The following SLC27A5 variants were observed in gnomAD, a reference collection of about 807,000 sequenced individuals.
SLC27A5 encodes long-chain fatty acid transport protein 5.
Under a neutral mutation model 63.1 loss-of-function variants are expected in SLC27A5, and 47 were observed. That is an observed-to-expected ratio of 0.74 (90% CI 0.59 to 0.95). SLC27A5 has a LOEUF of 0.95. Among genes scored for constraint, SLC27A5 ranks in the 40% least tolerant of loss-of-function variants. SLC27A5 has a pLI of 0.00. For synonymous variants in SLC27A5, 391 were observed against 403.8 expected (o/e 0.97, Z 0.38); for missense variants, 940 against 921.0 (o/e 1.02, Z -0.27).
chr19:58,498,649 G>A lies in SLC27A5; in HGVS notation c.1939C>T (p.Arg647Trp), dbSNP rs2053236206. ...ACATTGAAGCCCTCACGCACCAACC[G>A]GGTCTTCATCAGTTTGAACGTGCTG... ...VTSTFKLMKT[R>W]LVREGFNVGI... Residue 647 changes from arginine to tryptophan, a missense_variant, in exon 10 of 10, where the codon CGG becomes TGG. Transcript: ENST00000263093. 2 of 1,614,120 alleles carry A rather than the reference G, an allele frequency of 1.2e-6. No homozygotes were observed. Among genetic ancestry groups the A allele is most frequent in the South Asian group, 1.1e-5 (1 of 91,070 alleles).
chr19:58,499,460 C>T (rs2053247556), intron 7 of SLC27A5, 32 bp downstream of exon 7: 2 of 1,608,076 alleles, frequency 1.2e-6, no homozygotes, highest in Admixed American at 1.7e-5. Flanking sequence ...TGGCCCCGCG[C>T]CAGCCCCGCC....
chr19:58,502,634 G>C (rs150978418), intron 3 of SLC27A5, among the ~76,000 whole-genome samples: 2 of 131,314 alleles, frequency 1.5e-5, no homozygotes, highest in African/African-American at 5.2e-5. Flanking sequence ...TGGATGTGTG[G>C]ACAGAGTAGT....
rs200252519 is a variant in SLC27A5, at chr19:58,500,501, C to T, written c.1377+11G>A. 3.3e-3 allele frequency: 5,361 copies of T among 1,613,848 alleles called. 15 individuals are homozygous for T. The highest frequency in any genetic ancestry group is 4.7e-3 in the Admixed American group (284 of 59,992). ...TCAGGGCAGCTGCACACCAGGTACC[C>T]GCACACTCACTCGGAGGAGGCAGCT... On this transcript the variant is annotated intron_variant, in intron 5 of 9. Coordinates refer to ENST00000263093, the MANE Select transcript of SLC27A5 (RefSeq NM_012254.3).
chr19:58,500,458 G>A, intron 5 of SLC27A5, 29 bp from the exon 6 acceptor site: 1 of 1,613,552 alleles, frequency 6.2e-7, no homozygotes, highest in Non-Finnish European at 8.5e-7. Context: ...TGTTGACATA[G>A]GTCCTGTGGG....
intron 3 of SLC27A5, among the ~76,000 whole-genome samples, chr19:58,502,059 G>A (rs1391584878): frequency 6.6e-6 from 1 of 152,236 alleles, no homozygotes; most frequent in Non-Finnish European, 1.5e-5. Context: ...GCCCAGCTAA[G>A]CAGATGGGTG....
At chr19:58,507,244 C>G (rs2053357771) in intron 3 of SLC27A5, 1 of 152,008 alleles carries the variant, frequency 6.6e-6, no homozygotes, top group African/African-American at 2.4e-5. Context: ...GTAATAACAG[C>G]TACTCGGGAT....
At chr19:58,511,148 T>C (rs557367380) in intron 1 of SLC27A5, 120 bp downstream of exon 1, 3 of 1,118,446 alleles carry the variant, frequency 2.7e-6, no homozygotes, top group Non-Finnish European at 2.5e-6. Flanking sequence ...GTCTTGATTA[T>C]AATTGCCTGT....
chr19:58,502,169 T>C (rs1428305143), intron 3 of SLC27A5, among the ~76,000 whole-genome samples: 1 of 135,984 alleles, frequency 7.4e-6, no homozygotes, highest in Non-Finnish European at 1.6e-5. Context: ...AGTGAGTGAG[T>C]AGATGGATGG....
At position 58,498,509 on chromosome 19, in the gene SLC27A5, A is replaced by G; in HGVS notation, c.*6T>C. The stretch of plus-strand genomic sequence containing the variant: ...TGATCCCTACCCCAGTGGGTTGGCC[A>G]GGTGATCAGAGCCTCCAGGTTCCCT... On this transcript the variant is annotated 3_prime_UTR_variant, in exon 10 of 10. Transcript: ENST00000263093. The G allele has an allele frequency of 6.2e-7, 1 of 1,606,404 alleles. No homozygotes were observed. Among genetic ancestry groups the G allele is most frequent in the Non-Finnish European group, 8.5e-7 (1 of 1,174,900 alleles).
chr19:58,511,530 T>C lies in SLC27A5; in HGVS notation c.426A>G (p.Ser142=). 1 of 1,566,428 alleles carries C rather than the reference T, an allele frequency of 6.4e-7. No individual in the cohort carries two copies. Among genetic ancestry groups the C allele is most frequent in the South Asian group, 1.2e-5 (1 of 85,948 alleles). The change falls in exon 1 of 10, where the codon TCA becomes TCG. Residue 142 remains serine, a synonymous_variant. Transcript: ENST00000263093. Reference sequence around the variant, plus strand: ...GGGCATCCAGCTCACCAAAGGTGACTGAGCCGGCCCCAGGCCCCGTCCACA... The same window carrying C: ...GGGCATCCAGCTCACCAAAGGTGACCGAGCCGGCCCCAGGCCCCGTCCACA... ...LLVWTGPGAG[S]VTFGELDARA...
At chr19:58,506,756 C>T (rs992744816) in intron 3 of SLC27A5, among the ~76,000 whole-genome samples, 3 of 151,094 alleles carry the variant, frequency 2.0e-5, no homozygotes, top group Admixed American at 2.0e-4. Flanking sequence ...AACACAGGCT[C>T]GCATCACCAC....
chr19:58,510,019 C>T lies in SLC27A5; in HGVS notation c.899-14G>A. ...GCTTCGGGAGGCCTTGGGATGAAGG[C>T]ATGGCAAGGGCAGGGTGGTGACATG... On this transcript the variant is annotated splice_polypyrimidine_tract_variant and intron_variant, in intron 2 of 9. Transcript: ENST00000263093. The T allele has an allele frequency of 6.2e-7, 1 of 1,610,528 alleles. No individual in the cohort carries two copies. The highest frequency in any genetic ancestry group is 8.5e-7 in the Non-Finnish European group (1 of 1,178,324).
Position 58,499,666 on chromosome 19 carries a change from T to A in SLC27A5, c.1493A>T (p.Lys498Met). ...GLGEPGLLLT[K>M]VVSQQPFVGY... ...CACGAAGGGTTGCTGGCTTACCACCTTGGTCAGCAGCAGCCCCGGCTCCCC... is the reference window on the plus strand; with the variant it reads ...CACGAAGGGTTGCTGGCTTACCACCATGGTCAGCAGCAGCCCCGGCTCCCC... The change falls in exon 7 of 10, where the codon AAG (lysine) becomes ATG (methionine). Residue 498 changes from lysine (K) to methionine (M), a missense_variant. Transcript: ENST00000263093. 1 of 1,611,960 alleles carries A rather than the reference T, an allele frequency of 6.2e-7. No individual in the cohort carries two copies. Among genetic ancestry groups the A allele is most frequent in the Non-Finnish European group, 8.5e-7 (1 of 1,179,952 alleles).
At position 58,500,457 on chromosome 19, in the gene SLC27A5, A is replaced by AG. The variant is rs766517431; in HGVS notation, c.1378-29dup. The AG allele has an allele frequency of 9.1e-5, 147 of 1,613,748 alleles. 1 individual carries two copies. Among genetic ancestry groups the AG allele is most frequent in the Middle Eastern group, 8.2e-4 (5 of 6,062 alleles). The stretch of plus-strand genomic sequence containing the variant: ...GGGGTGGAGGGTGGAGTGTTGACAT[A>AG]GGTCCTGTGGGCTCAGCCTCAGGGC... On this transcript the variant is annotated intron_variant, in intron 5 of 9. Coordinates refer to ENST00000263093, the MANE Select transcript of SLC27A5 (RefSeq NM_012254.3).
intron 8 of SLC27A5, 22 bp downstream of exon 8, chr19:58,499,101 T>A: frequency 6.2e-7 from 1 of 1,613,632 alleles, no homozygotes; most frequent in South Asian, 1.1e-5. Context: ...TGTTGGAAGT[T>A]TAAAATGAGA....
intron 3 of SLC27A5, 143 bp downstream of exon 3, chr19:58,509,704 G>A: frequency 4.2e-6 from 3 of 712,978 alleles, no homozygotes; most frequent in Non-Finnish European, 4.5e-6. Context: ...TGCGGCCCTG[G>A]TAGTCATTGG....
In SLC27A5 at chr19:58,499,427, C is replaced by T. The variant is rs545484589; in HGVS notation, c.1667+65G>A. 113 of 1,553,478 alleles carry T rather than the reference C, an allele frequency of 7.3e-5. 1 individual carries two copies. The South Asian group carries it at 9.9e-4, about 14-fold the overall frequency. ...AAGTCCCGCCTCTTCAGCCTGACTC[C>T]CTCTAGGATCTGAAAGCGTCCGTGG... On this transcript the variant is annotated intron_variant, in intron 7 of 9. Coordinates refer to ENST00000263093, the MANE Select transcript of SLC27A5 (RefSeq NM_012254.3).
chr19:58,506,855 G>A (rs2053353543), intron 3 of SLC27A5, among the ~76,000 whole-genome samples: 1 of 151,486 alleles, frequency 6.6e-6, no homozygotes, highest in South Asian at 2.1e-4. Context: ...GTGATCCAGT[G>A]GCCTCAGCTT....
intron 3 of SLC27A5, among the ~76,000 whole-genome samples, chr19:58,505,565 C>T (rs560998301): frequency 1.3e-5 from 2 of 151,042 alleles, no homozygotes; most frequent in Non-Finnish European, 3.0e-5. Flanking sequence ...ACAATTTGGC[C>T]GGGCGCAGTG....
Sources: gnomAD v4.1 joint callset for allele counts (sites outside exome capture counted in the v4.1 genomes callset) on GRCh38, gnomAD v4.1.1 for gene constraint, MANE v1.5 for transcripts, NCBI Gene and HGNC (gene_info 2026-07-23, HGNC 2026-07-21) for gene names.